Variants in ZFYVE1 observed in about 807,000 individuals in gnomAD.
The protein encoded by ZFYVE1 is zinc finger FYVE-type containing 1, also known as zinc finger FYVE domain-containing protein 1.
ZFYVE1 carries 30 observed loss-of-function variants against 74.4 expected under a neutral mutation model. That is an observed-to-expected ratio of 0.40 (90% CI 0.30 to 0.55). The LOEUF (loss-of-function observed/expected upper bound fraction) is 0.55. Ranked by LOEUF, ZFYVE1 falls within the 20% of genes least tolerant of loss-of-function variation. The probability of loss-of-function intolerance (pLI) is 0.42; values close to 1 mark genes in which losing one functional copy is unlikely to be tolerated. For missense variants in ZFYVE1, 703 were observed against 1,011.6 expected (o/e 0.69, Z 4.14); for synonymous variants, 335 against 385.1 (o/e 0.87, Z 1.52).
chr14:72,976,476 A>G lies in ZFYVE1; in HGVS notation c.1636-755T>C, dbSNP rs115353710. Reference sequence around the variant, plus strand: ...AGATTTCAGTGGGCCAGAAAATTAGAAAAAGGAGGAGAAAAATAAGGAAAT... The same window carrying G: ...AGATTTCAGTGGGCCAGAAAATTAGGAAAAGGAGGAGAAAAATAAGGAAAT... On this transcript the variant is annotated intron_variant, in intron 8 of 11. Transcript: ENST00000556143. Among the ~76,000 whole-genome samples the G allele has an allele frequency of 1.6e-4, 24 of 152,272 alleles. No homozygotes were observed. In the South Asian group the frequency reaches 1.9e-3, roughly 12 times the overall value.
Position 72,974,108 on chromosome 14 carries a change from G to A in ZFYVE1, c.2073C>T (p.Ala691=), listed in dbSNP as rs755815420. Residue 691 remains alanine, a synonymous_variant, in exon 11 of 12, where the codon GCC becomes GCT. Transcript: ENST00000556143. ...GTGGTATGTCAATGGCTGTCACCAC[G>A]GCTCCCAGAGTGTTCTGCACGGCCT... ...VGEAVQNTLG[A]VVTAIDIPLG... 7.4e-6 allele frequency: 12 copies of A among 1,613,920 alleles called. No individual in the cohort carries two copies. Among genetic ancestry groups the A allele is most frequent in the African/African-American group, 2.7e-5 (2 of 74,902 alleles).
chr14:73,004,545 C>T (rs1893937987), intron 2 of ZFYVE1, among the ~76,000 whole-genome samples: 1 of 151,954 alleles, frequency 6.6e-6, no homozygotes, highest in African/African-American at 2.4e-5. Context: ...ATTTGGTATT[C>T]GGGGGTATGT....
In ZFYVE1 at chr14:72,978,357, A is replaced by G; in HGVS notation, c.1420-123T>C. On this transcript the variant is annotated intron_variant, in intron 6 of 11. Coordinates refer to ENST00000556143, the MANE Select transcript of ZFYVE1 (RefSeq NM_021260.4). ...GGGCTCAAGCAATCTGCCCGATCTC[A>G]GGAGTTCGAGATCAGCCTGGCCAAC... 4 of 843,840 alleles carry G rather than the reference A, an allele frequency of 4.7e-6. No individual in the cohort carries two copies. In the South Asian group the frequency reaches 6.7e-5, roughly 14 times the overall value. The allele number at this position is 843,840 out of a possible 1,614,324, so 52.3% of individuals were successfully genotyped here.
At position 72,993,354 on chromosome 14, in the gene ZFYVE1, T is replaced by C; in HGVS notation, c.992A>G (p.His331Arg). The change falls in exon 4 of 12, where the codon CAT becomes CGT. Residue 331 changes from histidine to arginine, a missense_variant. Physicochemically the swap from His to Arg is conservative, Grantham distance 29. Coordinates refer to ENST00000556143, the MANE Select transcript of ZFYVE1 (RefSeq NM_021260.4). ...GAGCTTCTCTGGCACCTCTGAGGGA[T>C]GATCTATACAAGCAGAAACACAGGC... ...TVHTQLLGSD[H>R]PSEVPEKLIQ... 6.2e-7 allele frequency: 1 copy of C among 1,609,282 alleles called. No homozygotes were observed. Among genetic ancestry groups the C allele is most frequent in the Non-Finnish European group, 8.5e-7 (1 of 1,178,816 alleles).
intron 4 of ZFYVE1, among the ~76,000 whole-genome samples, chr14:72,991,183 ATTT>A (rs57153409): frequency 3.6e-4 from 30 of 83,552 alleles, no homozygotes; most frequent in Admixed American, 1.3e-3. Context: ...CCCTGATGGT[ATTT>A]TTTTTTTTTT....
chr14:72,975,070 T>C lies in ZFYVE1; in HGVS notation c.1807-111A>G. On this transcript the variant is annotated intron_variant, in intron 9 of 11. Coordinates refer to ENST00000556143, the MANE Select transcript of ZFYVE1 (RefSeq NM_021260.4). This position sits in a 1 kb window ranked among gnomAD's most constrained non-coding sequence, Gnocchi z 4.1. The stretch of plus-strand genomic sequence containing the variant: ...AAGCAGAAACTAAGGCAGGTGGCGT[T>C]AGCTCAACAAGGACAAGAGCTTTCT... 1.6e-6 allele frequency: 2 copies of C among 1,230,538 alleles called. 1 individual carries two copies. Among genetic ancestry groups the C allele is most frequent in the South Asian group, 3.1e-5 (2 of 63,810 alleles). The allele number at this position is 1,230,538 out of a possible 1,614,324, so 76.2% of individuals were successfully genotyped here.
At chr14:73,019,664 T>TAGGCCG (rs1894274265) in intron 2 of ZFYVE1, among the ~76,000 whole-genome samples, 1 of 152,138 alleles carries the variant, frequency 6.6e-6, no homozygotes, top group African/African-American at 2.4e-5. Flanking sequence ...TTATAAAGTT[T>TAGGCCG]AGGCCGAGGC....
intron 4 of ZFYVE1, among the ~76,000 whole-genome samples, chr14:72,986,436 T>C (rs1402742898): frequency 1.3e-5 from 2 of 150,598 alleles, no homozygotes; most frequent in African/African-American, 4.9e-5. Flanking sequence ...TCAGGAGGCT[T>C]TACAAGAATC....
intron 5 of ZFYVE1, chr14:72,979,245 ATCCCAG>A (rs1893261215): frequency 5.7e-6 from 2 of 353,482 alleles, no homozygotes; most frequent in South Asian, 5.8e-5. Context: ...CACGTCTGTA[ATCCCAG>A]TACTTTGGGA....
chr14:73,007,695 C>T (rs1400001247), intron 2 of ZFYVE1, among the ~76,000 whole-genome samples: 2 of 152,140 alleles, frequency 1.3e-5, no homozygotes, highest in African/African-American at 4.8e-5. Flanking sequence ...AAATTTCAAA[C>T]AGGATTTTAC....
chr14:73,001,114 T>A (rs1260840580), intron 2 of ZFYVE1, among the ~76,000 whole-genome samples: 1 of 152,250 alleles, frequency 6.6e-6, no homozygotes, highest in Non-Finnish European at 1.5e-5. Flanking sequence ...CAAGACTGCA[T>A]ATTCCTGCTG....
At chr14:73,016,364 A>G (rs1205386639) in intron 2 of ZFYVE1, among the ~76,000 whole-genome samples, 1 of 152,190 alleles carries the variant, frequency 6.6e-6, no homozygotes, top group Non-Finnish European at 1.5e-5. Flanking sequence ...ACAAAAAATT[A>G]GCCAGGCGTG....
At position 73,024,580 on chromosome 14, in the gene ZFYVE1, T is replaced by G; in HGVS notation, c.-72A>C. ...CTTGCCCCGGGGGTGAAGACGAAGA[T>G]TTGAGTCTGAAGACTGCACGAAACT... On this transcript the variant is annotated 5_prime_UTR_variant, in exon 2 of 12. Transcript: ENST00000556143. 8 of 1,515,562 alleles carry G rather than the reference T, an allele frequency of 5.3e-6. No individual in the cohort carries two copies. Among genetic ancestry groups the G allele is most frequent in the Non-Finnish European group, 7.1e-6 (8 of 1,133,028 alleles). 93.9% of individuals were successfully genotyped at this position (1,515,562 alleles called of 1,614,324 possible). A position where few individuals can be genotyped will look rare whatever the true frequency, so the allele number is the denominator to read the frequency against.
intron 2 of ZFYVE1, among the ~76,000 whole-genome samples, chr14:73,016,191 T>G (rs1275116370): frequency 6.6e-6 from 1 of 152,114 alleles, no homozygotes; most frequent in Non-Finnish European, 1.5e-5. Context: ...CTCGTCAGCA[T>G]GAATCATTTA....
chr14:72,987,700 C>T (rs74062626), intron 4 of ZFYVE1, among the ~76,000 whole-genome samples: 2,059 of 152,316 alleles, frequency 0.014, 48 homozygotes, highest in African/African-American at 0.044. Context: ...TTCCTCTATT[C>T]GATAGAGACC....
intron 2 of ZFYVE1, among the ~76,000 whole-genome samples, chr14:73,012,927 A>C (rs1380147619): frequency 1.3e-5 from 2 of 152,168 alleles, no homozygotes; most frequent in Non-Finnish European, 2.9e-5. Flanking sequence ...GAAGGGATTG[A>C]GCTAGAAAGT....
At chr14:72,988,491 A>T (rs999597417) in intron 4 of ZFYVE1, among the ~76,000 whole-genome samples, 7 of 146,764 alleles carry the variant, frequency 4.8e-5, no homozygotes, top group African/African-American at 1.7e-4. Context: ...CTTTTTTTTT[A>T]AATATACTAA....
rs565131517 is a variant in ZFYVE1 at position 72,993,995 on chromosome 14, CAG to C, written c.989-640_989-639del. 1.3e-3 allele frequency among the ~76,000 whole-genome samples: 144 copies of C among 114,102 alleles called. 4 individuals carry two copies. In the Admixed American group the frequency reaches 0.014, roughly 11 times the overall value. The allele number at this position is 114,102 out of a possible 152,430, so 74.9% of individuals were successfully genotyped here. On this transcript the variant is annotated intron_variant, in intron 3 of 11. Coordinates refer to ENST00000556143, the MANE Select transcript of ZFYVE1 (RefSeq NM_021260.4). The stretch of plus-strand genomic sequence containing the variant: ...GCGCCACTGCACTCCAGCCTGGCGA[CAG>C]AGAGAGATTCCGTCTCAAAAAAAAA...
Position 72,969,593 on chromosome 14 carries a change from C to A in ZFYVE1, c.*1289G>T. On this transcript the variant is annotated 3_prime_UTR_variant, in exon 12 of 12. Transcript: ENST00000556143. Reference sequence around the variant, plus strand: ...GGCTCATGTCACACCGATAGGCGCACCAGGAATGACCGCCATATACTTCCC... The same window carrying A: ...GGCTCATGTCACACCGATAGGCGCAACAGGAATGACCGCCATATACTTCCC... 1.5e-6 allele frequency: 1 copy of A among 655,962 alleles called. No homozygotes were observed. Among genetic ancestry groups the A allele is most frequent in the Non-Finnish European group, 2.8e-6 (1 of 363,594 alleles). 40.6% of individuals were successfully genotyped at this position (655,962 alleles called of 1,614,324 possible).
Sources: gnomAD v4.1 joint callset for allele counts (sites outside exome capture counted in the v4.1 genomes callset) on GRCh38, gnomAD v4.1.1 for gene constraint, Gnocchi (gnomAD v3.1) non-coding constraint, MANE v1.5 for transcripts, NCBI Gene and HGNC (gene_info 2026-07-23, HGNC 2026-07-21) for gene names.